The following NCOA2 variants were observed in gnomAD, a reference collection of about 807,000 sequenced individuals.
NCOA2 encodes nuclear receptor coactivator 2.
A neutral mutation model predicts 145.1 loss-of-function variants in NCOA2; 21 were observed. The ratio of observed to expected loss-of-function variants is 0.14; its 90% CI spans 0.10 to 0.21. The LOEUF is 0.21. Ranked by LOEUF, NCOA2 falls within the 10% of genes least tolerant of loss-of-function variation. NCOA2 has a pLI of 1.00. For synonymous variants in NCOA2, 619 were observed against 637.5 expected (o/e 0.97, Z 0.44); for missense variants, 1,472 against 1,837.6 (o/e 0.80, Z 3.64).
chr8:70,121,310 T>C lies in NCOA2; in HGVS notation c.4375A>G (p.Thr1459Ala). 6.2e-7 allele frequency: 1 copy of C among 1,612,540 alleles called. No homozygotes were observed. Among genetic ancestry groups the C allele is most frequent in the Non-Finnish European group, 8.5e-7 (1 of 1,179,136 alleles). Residue 1459 changes from threonine (T) to alanine (A), a missense_variant, in exon 22 of 23, where the codon ACA (threonine) becomes GCA (alanine). Physicochemically the swap from Thr to Ala is moderately conservative, Grantham distance 58. Around this residue, in one of 4 missense-constraint regions of NCOA2, gnomAD observed 232 missense variants for 290.6 expected, o/e 0.80. Transcript: ENST00000452400. ...GMDMIKQEGD[T>A]TRKYC ...TCACTGTTCTTTCTTACCCGTGTTG[T>C]GTCTCCCTCCTGCTTAATCATATCC... is the stretch of plus-strand genomic sequence containing the variant.
At chr8:70,370,347 C>T (rs997743570) in intron 1 of NCOA2, among the ~76,000 whole-genome samples, 6 of 152,110 alleles carry the variant, frequency 3.9e-5, no homozygotes, top group Non-Finnish European at 8.8e-5. Flanking sequence ...TAAATAGTAA[C>T]AATCATGAAA....
chr8:70,337,502 C>T (rs972054087), intron 1 of NCOA2, among the ~76,000 whole-genome samples: 2 of 152,148 alleles, frequency 1.3e-5, no homozygotes, highest in African/African-American at 4.8e-5. Flanking sequence ...GGACCTTAGG[C>T]AAGTTACCCA....
the NCOA2 span, chr8:70,424,574 TA>T: frequency 2.0e-6 from 1 of 508,850 alleles, no homozygotes. Context: ...TCACAAGAGA[TA>T]AGGCAGCAGC....
At chr8:70,267,538 C>T (rs1287966563) in intron 2 of NCOA2, among the ~76,000 whole-genome samples, 1 of 152,046 alleles carries the variant, frequency 6.6e-6, no homozygotes, top group East Asian at 1.9e-4. Flanking sequence ...GCTGGGACTA[C>T]TGGCATACGT....
At chr8:70,403,327 CGCTCACCTCTCGCCCGCGCCGCGG>C (rs1473415760) in intron 1 of NCOA2, among the ~76,000 whole-genome samples, 1 of 151,274 alleles carries the variant, frequency 6.6e-6, no homozygotes, top group Non-Finnish European at 1.5e-5. Context: ...CGCGCCTCGG[CGCTCACCTCTCGCCCGCGCCGCGG>C]GCTGCAGCCT....
intron 1 of NCOA2, among the ~76,000 whole-genome samples, chr8:70,390,336 C>T (rs994214285): frequency 6.6e-5 from 10 of 152,120 alleles, no homozygotes; most frequent in Non-Finnish European, 1.2e-4. Context: ...TTGCTTTTTC[C>T]AAAGCTTAAA....
chr8:70,388,106 A>C (rs1225389643), intron 1 of NCOA2, among the ~76,000 whole-genome samples: 1 of 152,218 alleles, frequency 6.6e-6, no homozygotes, highest in Admixed American at 6.5e-5. Context: ...CAAGTTTGGG[A>C]TGGTATATAA....
At chr8:70,328,259 T>C (rs1806772550) in intron 1 of NCOA2, among the ~76,000 whole-genome samples, 1 of 152,248 alleles carries the variant, frequency 6.6e-6, no homozygotes, top group African/African-American at 2.4e-5. Context: ...AATACAATTC[T>C]AAGTCTTATA....
intron 12 of NCOA2, among the ~76,000 whole-genome samples, chr8:70,145,765 G>A (rs1015147124): frequency 4.6e-5 from 7 of 152,076 alleles, no homozygotes. Flanking sequence ...GAGTAGCTAG[G>A]ACTACAGGTA....
chr8:70,231,906 C>A (rs143426872), intron 2 of NCOA2, among the ~76,000 whole-genome samples: 9 of 152,290 alleles, frequency 5.9e-5, no homozygotes, highest in African/African-American at 2.2e-4. Context: ...AAGCATTCTG[C>A]CATCAGACTA....
chr8:70,195,347 A>G (rs965380792), intron 4 of NCOA2, among the ~76,000 whole-genome samples: 2 of 152,210 alleles, frequency 1.3e-5, no homozygotes, highest in Admixed American at 6.5e-5. Flanking sequence ...TGTAAACACT[A>G]GAGTGATGAA....
At chr8:70,339,185 C>A (rs1442887967) in intron 1 of NCOA2, among the ~76,000 whole-genome samples, 1 of 151,964 alleles carries the variant, frequency 6.6e-6, no homozygotes, top group Non-Finnish European at 1.5e-5. Flanking sequence ...TCTAGAAAAC[C>A]CCATAGTCTC....
intron 2 of NCOA2, among the ~76,000 whole-genome samples, chr8:70,275,923 T>C (rs969428061): frequency 6.6e-6 from 1 of 152,202 alleles, no homozygotes; most frequent in African/African-American, 2.4e-5. Flanking sequence ...ATAGCAGAAA[T>C]AGTTTGGCCA....
intron 15 of NCOA2, among the ~76,000 whole-genome samples, chr8:70,134,961 C>T (rs1240973546): frequency 3.9e-5 from 6 of 152,076 alleles, no homozygotes; most frequent in African/African-American, 9.7e-5. Flanking sequence ...TCCCAAAGCA[C>T]ACTTTACAGA....
chr8:70,247,491 T>C (rs1822728214), intron 2 of NCOA2, among the ~76,000 whole-genome samples: 1 of 152,150 alleles, frequency 6.6e-6, no homozygotes, highest in Non-Finnish European at 1.5e-5. Context: ...AGGCAACATA[T>C]ACAATCAATG....
chr8:70,390,946 G>A (rs1286536642), intron 1 of NCOA2, among the ~76,000 whole-genome samples: 3 of 152,258 alleles, frequency 2.0e-5, no homozygotes, highest in East Asian at 1.9e-4. Flanking sequence ...ATTTCTCAAA[G>A]TGAGAATGAA....
chr8:70,203,243 T>C lies in NCOA2; in HGVS notation c.259+10660A>G, dbSNP rs577025677. On this transcript the variant is annotated intron_variant, in intron 4 of 22. Coordinates refer to ENST00000452400, the MANE Select transcript of NCOA2 (RefSeq NM_006540.4). ...GCACCACTGCACTCCAGGCTGGTGA[T>C]AGAACAAGACTCTGTCTCAAAAAAA... Among the ~76,000 whole-genome samples, 13 of 112,176 alleles carry C rather than the reference T, an allele frequency of 1.2e-4. No individual in the cohort carries two copies. In the East Asian group the frequency reaches 1.7e-3, roughly 15 times the overall value. 73.6% of individuals were successfully genotyped at this position (112,176 alleles called of 152,430 possible). A position where few individuals can be genotyped will look rare whatever the true frequency, so the allele number is the denominator to read the frequency against.
chr8:70,442,161 A>AAGAAAGAAAGAAAGAAAGAAAGAG, the NCOA2 span, among the ~76,000 whole-genome samples: 1 of 142,924 alleles, frequency 7.0e-6, no homozygotes, highest in Non-Finnish European at 1.5e-5. Context: ...GAAAGAAAGA[A>AAGAAAGAAAGAAAGAAAGAAAGAG]AGAGAAAGGC....
In NCOA2 at chr8:70,209,561, G is replaced by A. The variant is rs184987055; in HGVS notation, c.259+4342C>T. Among the ~76,000 whole-genome samples, 43 of 152,132 alleles carry A rather than the reference G, an allele frequency of 2.8e-4. No homozygotes were observed. In the East Asian group the frequency reaches 4.2e-3, roughly 15 times the overall value. On this transcript the variant is annotated intron_variant, in intron 4 of 22. Coordinates refer to ENST00000452400, the MANE Select transcript of NCOA2 (RefSeq NM_006540.4). ...CACTGTTATCTTACTTTAAGAAATC[G>A]TTATAGCCACCCCAGCCTTTAGCAA... is the stretch of plus-strand genomic sequence containing the variant.
Sources: allele counts gnomAD v4.1 joint callset (sites outside exome capture counted in the v4.1 genomes callset), GRCh38; gene constraint gnomAD v4.1.1; regional missense constraint gnomAD v4.1.1; transcripts MANE v1.5; gene names NCBI Gene and HGNC (gene_info 2026-07-23, HGNC 2026-07-21).